OCA2: variants seen among roughly 807,000 people sequenced by gnomAD.
OCA2 encodes OCA2 melanosomal transmembrane protein.
Under a neutral mutation model 100.2 loss-of-function variants are expected in OCA2, and 77 were observed. The observed-to-expected ratio is 0.77, with a 90% CI of 0.64 to 0.93. OCA2 has a LOEUF of 0.93. OCA2 is among the 40% of genes least tolerant of loss of function. The pLI is 0.00. For missense variants in OCA2, 1,062 were observed against 1,089.1 expected (o/e 0.98, Z 0.35); for synonymous variants, 432 against 439.2 (o/e 0.98, Z 0.21).
chr15:28,002,374 C>T (rs74005197), intron 9 of OCA2, among the ~76,000 whole-genome samples: 5,898 of 152,206 alleles, frequency 0.039, 399 homozygotes, highest in African/African-American at 0.14. Flanking sequence ...GGGCCTGCTC[C>T]GCCTGCTTCC....
intron 2 of OCA2, among the ~76,000 whole-genome samples, chr15:28,053,284 G>A (rs2043575841): frequency 6.6e-6 from 1 of 152,204 alleles, no homozygotes; most frequent in South Asian, 2.1e-4. Context: ...GAGGGCACAA[G>A]ACAGCCACGT....
chr15:27,790,021 T>G (rs1387734485), intron 23 of OCA2, among the ~76,000 whole-genome samples: 1 of 152,052 alleles, frequency 6.6e-6, no homozygotes, highest in African/African-American at 2.4e-5. Context: ...TCAGGAAAAT[T>G]TTTCAAATCA....
chr15:28,086,840 G>T (rs1362544503), intron 1 of OCA2, among the ~76,000 whole-genome samples: 1 of 152,072 alleles, frequency 6.6e-6, no homozygotes, highest in African/African-American at 2.4e-5. Context: ...ACAGAGAAAA[G>T]AATCAATAAG....
chr15:27,743,609 C>T, the OCA2 span, among the ~76,000 whole-genome samples: 8 of 152,158 alleles, frequency 5.3e-5, no homozygotes, highest in Admixed American at 3.9e-4. Context: ...CCCAGAAACA[C>T]GGTGGGGCCC....
In OCA2 at chr15:28,024,912, A is replaced by T. The variant is rs770407635; in HGVS notation, c.516-10T>A. On this transcript the variant is annotated splice_polypyrimidine_tract_variant and intron_variant, in intron 4 of 23. Transcript: ENST00000354638. Reference sequence around the variant, plus strand: ...CCACTGCACACAGCGCCTGCAAGAGAAAAAGTAGGGCCTTAGTGGCAAGGG... The same window carrying T: ...CCACTGCACACAGCGCCTGCAAGAGTAAAAGTAGGGCCTTAGTGGCAAGGG... 2.5e-6 allele frequency: 4 copies of T among 1,614,126 alleles called. No homozygotes were observed. The Admixed American group carries it at 6.7e-5, about 27-fold the overall frequency.
chr15:27,810,626 C>G (rs1603786), intron 23 of OCA2, among the ~76,000 whole-genome samples: 1 of 151,666 alleles, frequency 6.6e-6, no homozygotes, highest in Non-Finnish European at 1.5e-5. Flanking sequence ...ACTATGCATC[C>G]GACAAAGGAC....
chr15:27,923,552 A>G (rs2038941704), intron 19 of OCA2, among the ~76,000 whole-genome samples: 1 of 152,194 alleles, frequency 6.6e-6, no homozygotes, highest in Admixed American at 6.5e-5. Context: ...AATAATAGCT[A>G]TATGACTGGT....
At position 27,800,496 on chromosome 15, in the gene OCA2, A is replaced by T. The variant is rs185960425; in HGVS notation, c.2432+44463T>A. On this transcript the variant is annotated intron_variant, in intron 23 of 23. Transcript: ENST00000354638. ...ACACAAATTATCAACATCAGGAATG[A>T]CAGAGGTGGCAGTACTACAGATTAT... Among the ~76,000 whole-genome samples the T allele has an allele frequency of 5.4e-4, 82 of 152,344 alleles. 1 individual carries two copies. Among genetic ancestry groups the T allele is most frequent in the Non-Finnish European group, 1.1e-3 (76 of 68,036 alleles).
chr15:27,819,992 T>C (rs1236689586), intron 23 of OCA2, among the ~76,000 whole-genome samples: 1 of 152,192 alleles, frequency 6.6e-6, no homozygotes, highest in African/African-American at 2.4e-5. Context: ...AAGCACGATG[T>C]TAGCGGCACA....
chr15:27,744,992 A>T, the OCA2 span, among the ~76,000 whole-genome samples: 2 of 152,192 alleles, frequency 1.3e-5, no homozygotes, highest in Admixed American at 6.5e-5. Flanking sequence ...ATCGCATGAC[A>T]GATAGCGGGC....
At chr15:28,038,038 C>T (rs2141433305) in intron 2 of OCA2, among the ~76,000 whole-genome samples, 1 of 152,308 alleles carries the variant, frequency 6.6e-6, no homozygotes, top group Non-Finnish European at 1.5e-5. Flanking sequence ...CTATCTCCTC[C>T]CTTCGCTATT....
chr15:27,860,619 A>G (rs1595530728), intron 21 of OCA2, among the ~76,000 whole-genome samples: 3 of 152,356 alleles, frequency 2.0e-5, no homozygotes, highest in Admixed American at 2.0e-4. Flanking sequence ...TGTTGCTGCA[A>G]GGAACATGAT....
chr15:27,963,190 C>T (rs577000580), intron 15 of OCA2, among the ~76,000 whole-genome samples: 2 of 152,242 alleles, frequency 1.3e-5, no homozygotes, highest in Non-Finnish European at 2.9e-5. Flanking sequence ...ACCTTAGACA[C>T]GTCTGTATCC....
At chr15:27,771,385 C>T (rs1468600816) in intron 23 of OCA2, among the ~76,000 whole-genome samples, 1 of 104,014 alleles carries the variant, frequency 9.6e-6, no homozygotes. Context: ...AGAGAGAAGC[C>T]TAAAAAAAAA....
At chr15:27,908,216 G>A (rs1018636495) in intron 19 of OCA2, among the ~76,000 whole-genome samples, 23 of 152,114 alleles carry the variant, frequency 1.5e-4, no homozygotes, top group African/African-American at 5.3e-4. Flanking sequence ...TTCAAGGTTG[G>A]TTCAATATTA....
the OCA2 span, among the ~76,000 whole-genome samples, chr15:27,731,294 C>T: frequency 1.3e-5 from 2 of 151,992 alleles, no homozygotes; most frequent in Non-Finnish European, 2.9e-5. Flanking sequence ...TAATGGATCT[C>T]GAATTTATAG....
chr15:27,850,035 G>C (rs543342676), intron 22 of OCA2, among the ~76,000 whole-genome samples: 1 of 152,212 alleles, frequency 6.6e-6, no homozygotes, highest in South Asian at 2.1e-4. Context: ...AGTGTGCTCA[G>C]TTAATAAGTG....
intron 18 of OCA2, among the ~76,000 whole-genome samples, chr15:27,949,761 G>T (rs1456354182): frequency 6.6e-6 from 1 of 152,174 alleles, no homozygotes; most frequent in Non-Finnish European, 1.5e-5. Context: ...CTGAAGACCC[G>T]GGAAGATCTT....
chr15:28,033,505 G>A (rs2042966378), intron 2 of OCA2, among the ~76,000 whole-genome samples: 3 of 152,196 alleles, frequency 2.0e-5, no homozygotes. Flanking sequence ...TCTAACACCA[G>A]CACCATGCCT....
Sources: allele counts gnomAD v4.1 joint callset (sites outside exome capture counted in the v4.1 genomes callset), GRCh38; gene constraint gnomAD v4.1.1; transcripts MANE v1.5; gene names NCBI Gene and HGNC (gene_info 2026-07-23, HGNC 2026-07-21).